WNT5A: variants seen among roughly 807,000 people sequenced by gnomAD.
The protein encoded by WNT5A is Wnt family member 5A.
WNT5A carries 9 observed loss-of-function variants against 42.1 expected under a neutral mutation model. The observed-to-expected ratio is 0.21, with a 90% CI of 0.13 to 0.37. WNT5A has a LOEUF of 0.37. WNT5A is among the 10% of genes least tolerant of loss of function. The probability of loss-of-function intolerance (pLI) is 1.00; values close to 1 mark genes in which losing one functional copy is unlikely to be tolerated. For missense variants in WNT5A, 426 were observed against 534.0 expected (o/e 0.80, Z 1.99); for synonymous variants, 210 against 210.0 (o/e 1.00, Z 0.00).
At position 55,479,551 on chromosome 3, in the gene WNT5A, T is replaced by G; in HGVS notation, c.154A>C (p.Asn52His). Reference protein sequence around the residue: ...EANSWWSLGMNNPVQMSEVYI... With the variant: ...EANSWWSLGMHNPVQMSEVYI... ...ACTTCTGACATCTGAACAGGGTTAT[T>G]CATACCTAGCGACCTGCAAGGGGGG... The change falls in exon 3 of 5, where the codon AAT (asparagine) becomes CAT (histidine). Residue 52 changes from asparagine to histidine, a missense_variant. Asn to His is a moderately conservative substitution (Grantham distance 68, BLOSUM62 1). This residue lies in a region of WNT5A where 6 missense variants were observed against 16.9 expected (regional missense o/e 0.35). Coordinates refer to ENST00000264634, the MANE Select transcript of WNT5A (RefSeq NM_003392.7). The G allele has an allele frequency of 1.3e-6, 2 of 1,595,548 alleles. No homozygotes were observed. Among genetic ancestry groups the G allele is most frequent in the Non-Finnish European group, 1.7e-6 (2 of 1,167,940 alleles).
chr3:55,477,691 A>G (rs1219104326), intron 3 of WNT5A, among the ~76,000 whole-genome samples: 1 of 152,168 alleles, frequency 6.6e-6, no homozygotes, highest in Non-Finnish European at 1.5e-5. Flanking sequence ...CTCCAGCAGA[A>G]CTCAAATTCA....
Position 55,485,873 on chromosome 3 carries a change from T to G in WNT5A, c.6+1107A>C, listed in dbSNP as rs189708201. On this transcript the variant is annotated intron_variant, in intron 1 of 4. Transcript: ENST00000264634. ...TTTGTTGTTGTTTTTTTTAACTTTT[T>G]GGGGGGAAGAGGGGTTATTTGCTTC... 3.3e-5 allele frequency among the ~76,000 whole-genome samples: 5 copies of G among 152,204 alleles called. No individual in the cohort carries two copies. In the East Asian group the frequency reaches 9.7e-4, roughly 29 times the overall value.
At chr3:55,475,018 G>A (rs1376724181) in intron 3 of WNT5A, among the ~76,000 whole-genome samples, 1 of 151,924 alleles carries the variant, frequency 6.6e-6, no homozygotes, top group Non-Finnish European at 1.5e-5. Context: ...CCCAGCTTGA[G>A]GGGAAGCCAA....
Position 55,469,759 on chromosome 3 carries a change from A to C in WNT5A, c.*333T>G. ...TGAGAAAAAGAAAATGTATTTCTTT[A>C]CCTTCTGGATGTGTACCATGTCCAC... On this transcript the variant is annotated 3_prime_UTR_variant, in exon 5 of 5. Transcript: ENST00000264634. The C allele has an allele frequency of 5.0e-6, 1 of 200,866 alleles. No homozygotes were observed. Among genetic ancestry groups the C allele is most frequent in the Admixed American group, 5.4e-5 (1 of 18,434 alleles). The allele number at this position is 200,866 out of a possible 1,614,324, so 12.4% of individuals were successfully genotyped here.
At chr3:55,494,012 A>T (rs1013088149), upstream of WNT5A, 2 of 152,196 alleles carry the variant, frequency 1.3e-5, no homozygotes, top group African/African-American at 4.8e-5. Flanking sequence ...ACAGCTCAGC[A>T]TTTTCCATTG....
chr3:55,470,527 C>T lies in WNT5A; in HGVS notation c.708G>A (p.Val236=). The change falls in exon 5 of 5, where the codon GTG becomes GTA. Residue 236 remains valine, a synonymous_variant. Coordinates refer to ENST00000264634, the MANE Select transcript of WNT5A (RefSeq NM_003392.7). ...CGGACACCCCATGGCACTTGCAGGC[C>T]ACATCAGCCAGGTTGTACACCGTCT... ...GRRTVYNLAD[V]ACKCHGVSGS... is the part of the protein sequence containing the mutation. The T allele has an allele frequency of 6.4e-7, 1 of 1,569,512 alleles. No homozygotes were observed. Among genetic ancestry groups the T allele is most frequent in the Non-Finnish European group, 8.6e-7 (1 of 1,156,922 alleles).
intron 4 of WNT5A, among the ~76,000 whole-genome samples, chr3:55,472,889 T>C (rs563838630): frequency 3.9e-5 from 6 of 152,192 alleles, no homozygotes; most frequent in Non-Finnish European, 7.3e-5. Flanking sequence ...GAAATTGTTA[T>C]TTTGTAATAA....
the WNT5A span, among the ~76,000 whole-genome samples, chr3:55,499,281 T>C: frequency 6.2e-4 from 95 of 152,310 alleles, no homozygotes; most frequent in South Asian, 4.4e-3. Flanking sequence ...GATGAATTAA[T>C]GGTGCAGAGT....
intron 4 of WNT5A, among the ~76,000 whole-genome samples, chr3:55,471,361 C>T (rs571938608): frequency 1.6e-4 from 24 of 152,262 alleles, no homozygotes; most frequent in African/African-American, 2.6e-4. Flanking sequence ...TCTACTACCC[C>T]GCTAGGCTAA....
At chr3:55,502,712 G>A in the WNT5A span, among the ~76,000 whole-genome samples, 1 of 152,156 alleles carries the variant, frequency 6.6e-6, no homozygotes, top group Non-Finnish European at 1.5e-5. Context: ...ACTAAGACAG[G>A]CATTTTGTAT....
rs1344347590 is a variant in WNT5A at position 55,470,108 on chromosome 3, T to C, written c.1127A>G (p.Gln376Arg). ...TGGCACCCACTACTTGCACACAAAC[T>C]GGTCCACGATCTCCGTGCACTTCTT... is the stretch of plus-strand genomic sequence containing the variant. Reference protein sequence around the residue: ...KCKKCTEIVDQFVCK With the variant: ...KCKKCTEIVDRFVCK Residue 376 changes from glutamine (Q) to arginine (R), a missense_variant, in exon 5 of 5, where the codon CAG becomes CGG. Gln to Arg is a conservative substitution (Grantham distance 43, BLOSUM62 1). Transcript: ENST00000264634. 2.5e-6 allele frequency: 4 copies of C among 1,613,978 alleles called. No homozygotes were observed. Among genetic ancestry groups the C allele is most frequent in the African/African-American group, 1.3e-5 (1 of 74,948 alleles).
At position 55,474,407 on chromosome 3, in the gene WNT5A, A is replaced by C; in HGVS notation, c.614T>G (p.Ile205Ser). Residue 205 changes from isoleucine to serine, a missense_variant, in exon 4 of 5, where the codon ATC becomes AGC. By Grantham distance (142) the Ile-to-Ser change is moderately radical (BLOSUM62 -2). Coordinates refer to ENST00000264634, the MANE Select transcript of WNT5A (RefSeq NM_003392.7). ...EFVDARERER[I>S]HAKGSYESAR... is the part of the protein sequence containing the mutation. ...ACTCTCGTAGGAGCCCTTGGCGTGG[A>C]TGCGCTCCCGCTCGCGGGCGTCCAC... 6.2e-7 allele frequency: 1 copy of C among 1,612,328 alleles called. No homozygotes were observed. The highest frequency in any genetic ancestry group is 8.5e-7 in the Non-Finnish European group (1 of 1,179,704).
rs760675240 is a variant in WNT5A, at chr3:55,470,348, G to A, written c.887C>T (p.Thr296Ile). Residue 296 changes from threonine to isoleucine, a missense_variant, in exon 5 of 5, where the codon ACA becomes ATA. By Grantham distance (89) the Thr-to-Ile change is moderately conservative. This residue lies in a region of WNT5A where 358 missense variants were observed against 468.1 expected (regional missense o/e 0.76). Transcript: ENST00000264634. ...GGGGTCGATGTAGACCAGGTCTTGT[G>A]TGGTGGGCGAGTTGAAGCGGCTGTT... The part of the protein sequence containing the change: ...QVNSRFNSPT[T>I]QDLVYIDPSP... The A allele has an allele frequency of 9.3e-6, 15 of 1,614,076 alleles. No individual in the cohort carries two copies. The highest frequency in any genetic ancestry group is 1.3e-5 in the Non-Finnish European group (15 of 1,179,904).
the WNT5A span, among the ~76,000 whole-genome samples, chr3:55,504,450 A>G: frequency 6.6e-6 from 1 of 151,218 alleles, no homozygotes; most frequent in African/African-American, 2.4e-5. Context: ...TGATGGCATT[A>G]AAATTTTTTA....
rs1476276292 is a variant in WNT5A at position 55,474,607 on chromosome 3, T to C, written c.414A>G (p.Thr138=). 8 of 1,438,244 alleles carry C rather than the reference T, an allele frequency of 5.6e-6. No homozygotes were observed. In the South Asian group the frequency reaches 1.0e-4, roughly 19 times the overall value. 89.1% of individuals were successfully genotyped at this position (1,438,244 alleles called of 1,614,324 possible). ...MQIGSRETAF[T]YAVSAAGVVN... ...CCACCCCTGCTGCGCTCACCGCGTA[T>C]GTGAAGGCCGTCTCGCGGCTGCCTG... is the stretch of plus-strand genomic sequence containing the variant. Residue 138 remains threonine (T), a synonymous_variant, in exon 4 of 5, where the codon ACA becomes ACG. Coordinates refer to ENST00000264634, the MANE Select transcript of WNT5A (RefSeq NM_003392.7).
At chr3:55,484,055 ACT>A (rs1559558850) in intron 1 of WNT5A, among the ~76,000 whole-genome samples, 2 of 151,612 alleles carry the variant, frequency 1.3e-5, no homozygotes, top group South Asian at 2.1e-4. Context: ...CTTCTGCTAG[ACT>A]CTCTACGTTT....
At chr3:55,502,874 T>C in the WNT5A span, among the ~76,000 whole-genome samples, 14 of 152,228 alleles carry the variant, frequency 9.2e-5, no homozygotes, top group Non-Finnish European at 1.9e-4. Context: ...ATGGTCCTAT[T>C]CAAACTGAAG....
the WNT5A span, among the ~76,000 whole-genome samples, chr3:55,497,680 G>A: frequency 6.6e-6 from 1 of 152,206 alleles, no homozygotes; most frequent in Non-Finnish European, 1.5e-5. Flanking sequence ...CAGATGAGGA[G>A]AGTAAGCTCC....
At chr3:55,499,161 C>T in the WNT5A span, among the ~76,000 whole-genome samples, 1 of 152,166 alleles carries the variant, frequency 6.6e-6, no homozygotes, top group East Asian at 1.9e-4. Context: ...TGGAAGATAC[C>T]TGTTCCCTGC....
Sources: gnomAD v4.1 joint callset for allele counts (sites outside exome capture counted in the v4.1 genomes callset) on GRCh38, gnomAD v4.1.1 for gene constraint, gnomAD v4.1.1 regional missense constraint, MANE v1.5 for transcripts, NCBI Gene and HGNC (gene_info 2026-07-23, HGNC 2026-07-21) for gene names.